The following SPATA2 variants were observed in gnomAD, a reference collection of about 807,000 sequenced individuals.
SPATA2 encodes spermatogenesis-associated protein 2.
In SPATA2, 8 loss-of-function variants were observed where a neutral mutation model predicts 35.4. The observed-to-expected ratio is 0.23, with a 90% CI of 0.13 to 0.41. The LOEUF (loss-of-function observed/expected upper bound fraction) is 0.41. SPATA2 is among the 10% of genes least tolerant of loss of function. The pLI is 1.00. For synonymous variants in SPATA2, 293 were observed against 300.9 expected (o/e 0.97, Z 0.27); for missense variants, 650 against 698.7 (o/e 0.93, Z 0.79).
chr20:49,908,382 C>A lies in SPATA2; in HGVS notation c.109G>T (p.Gly37Cys), dbSNP rs772519165. The A allele has an allele frequency of 6.2e-6, 10 of 1,614,094 alleles. No homozygotes were observed. The African/African-American group carries it at 1.3e-4, about 22-fold the overall frequency. ...VDTTTSRQRP[G>C]SDECLRVAAS... The stretch of plus-strand genomic sequence containing the variant: ...GCCACCCGCAGGCACTCATCGCTGC[C>A]AGGCCGCTGCCTGCTGGTGGTGGTA... The change falls in exon 2 of 3, where the codon GGC (glycine) becomes TGC (cysteine). Residue 37 changes from glycine to cysteine, a missense_variant. By Grantham distance (159) the Gly-to-Cys change is radical. Transcript: ENST00000289431.
chr20:49,912,659 T>G (rs1436225062), intron 1 of SPATA2, among the ~76,000 whole-genome samples: 1 of 152,304 alleles, frequency 6.6e-6, no homozygotes, highest in East Asian at 1.9e-4. Context: ...GAGACTGATT[T>G]TTTACAAAGT....
rs982131530 is a variant in SPATA2 at position 49,905,662 on chromosome 20, A to G, written c.1520T>C (p.Leu507Pro). 5 of 1,614,126 alleles carry G rather than the reference A, an allele frequency of 3.1e-6. No individual in the cohort carries two copies. Among genetic ancestry groups the G allele is most frequent in the Non-Finnish European group, 3.4e-6 (4 of 1,180,058 alleles). Residue 507 changes from leucine to proline, a missense_variant, in exon 3 of 3, where the codon CTG becomes CCG. Physicochemically the swap from Leu to Pro is moderately conservative, Grantham distance 98. Transcript: ENST00000289431. ...GGAGAGCTGGGTGGACTTGTAGTTC[A>G]GCTGGTTGTTGGGCATGAACTTGTG... is the stretch of plus-strand genomic sequence containing the variant. Reference protein sequence around the residue: ...ELHKFMPNNQLNYKSTQLSHL... With the variant: ...ELHKFMPNNQPNYKSTQLSHL...
At chr20:49,908,129 G>C in intron 2 of SPATA2, 26 bp downstream of exon 2, 2 of 1,576,934 alleles carry the variant, frequency 1.3e-6, no homozygotes, top group Non-Finnish European at 1.7e-6. Context: ...AGGAGGGCCT[G>C]TATGGAGGCT....
rs759344029 is a variant in SPATA2 at position 49,908,478 on chromosome 20, T to C, written c.13A>G (p.Ser5Gly). MGKP[S>G]SMDTKFKDDL... Reference sequence around the variant, plus strand: ...TCCTTGAATTTAGTATCCATTGAACTGGGCTTCCCCATCCGATCGAGGGGG... The same window carrying C: ...TCCTTGAATTTAGTATCCATTGAACCGGGCTTCCCCATCCGATCGAGGGGG... The change falls in exon 2 of 3, where the codon AGT becomes GGT. Residue 5 changes from serine (S) to glycine (G), a missense_variant. Coordinates refer to ENST00000289431, the MANE Select transcript of SPATA2 (RefSeq NM_006038.4). 1 of 1,594,134 alleles carries C rather than the reference T, an allele frequency of 6.3e-7. No homozygotes were observed. The highest frequency in any genetic ancestry group is 8.6e-7 in the Non-Finnish European group (1 of 1,164,722).
chr20:49,905,636 G>A lies in SPATA2; in HGVS notation c.1546C>T (p.His516Tyr). ...QLNYKSTQLSHLVYR is the reference protein window; with the variant it reads ...QLNYKSTQLSYLVYR Reference sequence around the variant, plus strand: ...AGGCCGGTCTATCTGTACACGAGATGGGAGAGCTGGGTGGACTTGTAGTTC... The same window carrying A: ...AGGCCGGTCTATCTGTACACGAGATAGGAGAGCTGGGTGGACTTGTAGTTC... The change falls in exon 3 of 3, where the codon CAT becomes TAT. Residue 516 changes from histidine to tyrosine, a missense_variant. Transcript: ENST00000289431. 1 of 1,614,230 alleles carries A rather than the reference G, an allele frequency of 6.2e-7. No homozygotes were observed. Among genetic ancestry groups the A allele is most frequent in the African/African-American group, 1.3e-5 (1 of 75,072 alleles).
intron 1 of SPATA2, among the ~76,000 whole-genome samples, chr20:49,914,865 G>GT (rs1347532705): frequency 1.3e-5 from 2 of 152,200 alleles, no homozygotes; most frequent in African/African-American, 4.8e-5. Context: ...ATTGAATGAA[G>GT]TAACAGGAAC....
In SPATA2 at chr20:49,904,981, G is replaced by A. The variant is rs1422842790; in HGVS notation, c.*638C>T. ...TGGAGCAAAGTTCACGAAGGCCATG[G>A]GCTGACTGAGCTGTGGTGTACGAAA... On this transcript the variant is annotated 3_prime_UTR_variant, in exon 3 of 3. Coordinates refer to ENST00000289431, the MANE Select transcript of SPATA2 (RefSeq NM_006038.4). 3 of 153,308 alleles carry A rather than the reference G, an allele frequency of 2.0e-5. No homozygotes were observed. Among genetic ancestry groups the A allele is most frequent in the Non-Finnish European group, 4.4e-5 (3 of 68,606 alleles). 9.5% of individuals were successfully genotyped at this position (153,308 alleles called of 1,614,324 possible). A position where few individuals can be genotyped will look rare whatever the true frequency, so the allele number is the denominator to read the frequency against.
chr20:49,906,470 C>A lies in SPATA2; in HGVS notation c.712G>T (p.Ala238Ser). 2 of 1,611,244 alleles carry A rather than the reference C, an allele frequency of 1.2e-6. No homozygotes were observed. The highest frequency in any genetic ancestry group is 1.3e-5 in the African/African-American group (1 of 75,056). Residue 238 changes from alanine to serine, a missense_variant, in exon 3 of 3, where the codon GCG becomes TCG. Physicochemically the swap from Ala to Ser is moderately conservative, Grantham distance 99. Transcript: ENST00000289431. The surrounding 1 kb of genome is among the most constrained non-coding windows in gnomAD (Gnocchi z 8.2). The stretch of plus-strand genomic sequence containing the variant: ...CGGGGCTTGTAGTAGTCCTTGGCCG[C>A]CCGCTCGCTGGCCGACTTCTGGAGT... ...VALQKSASER[A>S]AKDYYKPRVT...
Position 49,903,718 on chromosome 20 carries a change from G to A in SPATA2, c.*1901C>T, listed in dbSNP as rs1027162048. ...AAGAGTTAGTTACTGTAATGCTGGC[G>A]CAATCTGGAAATGGAAAACTAGAAA... On this transcript the variant is annotated 3_prime_UTR_variant, in exon 3 of 3. Transcript: ENST00000289431. The A allele has an allele frequency of 2.0e-5, 3 of 151,812 alleles. No individual in the cohort carries two copies. The highest frequency in any genetic ancestry group is 6.6e-5 in the Admixed American group (1 of 15,232). The allele number at this position is 151,812 out of a possible 1,614,324, so 9.4% of individuals were successfully genotyped here. A position where few individuals can be genotyped will look rare whatever the true frequency, so the allele number is the denominator to read the frequency against.
intron 1 of SPATA2, among the ~76,000 whole-genome samples, chr20:49,911,343 C>A (rs977894616): frequency 3.9e-5 from 6 of 152,048 alleles, no homozygotes; most frequent in African/African-American, 1.4e-4. Context: ...TAACACAGAG[C>A]CTGCCTGTGC....
intron 1 of SPATA2, among the ~76,000 whole-genome samples, chr20:49,912,977 C>T (rs532236100): frequency 1.3e-5 from 2 of 150,674 alleles, no homozygotes; most frequent in East Asian, 3.9e-4. Flanking sequence ...GGTGTGGTGA[C>T]ACCCACCTGT....
chr20:49,913,240 C>T (rs1258979842), intron 1 of SPATA2, among the ~76,000 whole-genome samples: 1 of 152,232 alleles, frequency 6.6e-6, no homozygotes, highest in Non-Finnish European at 1.5e-5. Context: ...AAAACAGGCT[C>T]TTCCCATTAA....
At position 49,908,492 on chromosome 20, in the gene SPATA2, C is replaced by T. The variant is rs760301173; in HGVS notation, c.-2G>A. 34 of 1,581,384 alleles carry T rather than the reference C, an allele frequency of 2.2e-5. No individual in the cohort carries two copies. Among genetic ancestry groups the T allele is most frequent in the South Asian group, 3.4e-5 (3 of 87,204 alleles). Reference sequence around the variant, plus strand: ...ATCCATTGAACTGGGCTTCCCCATCCGATCGAGGGGGGCTACCTTATCTCC... The same window carrying T: ...ATCCATTGAACTGGGCTTCCCCATCTGATCGAGGGGGGCTACCTTATCTCC... On this transcript the variant is annotated 5_prime_UTR_variant, in exon 2 of 3. Coordinates refer to ENST00000289431, the MANE Select transcript of SPATA2 (RefSeq NM_006038.4).
intron 1 of SPATA2, among the ~76,000 whole-genome samples, chr20:49,911,872 G>A (rs1364848227): frequency 1.3e-5 from 2 of 152,066 alleles, no homozygotes; most frequent in African/African-American, 2.4e-5. Context: ...TGATGGACCC[G>A]ATAATCCAAG....
Position 49,905,812 on chromosome 20 carries a change from G to A in SPATA2, c.1370C>T (p.Thr457Ile). The change falls in exon 3 of 3, where the codon ACT becomes ATT. Residue 457 changes from threonine (T) to isoleucine (I), a missense_variant. Coordinates refer to ENST00000289431, the MANE Select transcript of SPATA2 (RefSeq NM_006038.4). ...GCGGTTGCAGAAGCCACAGCGGGAA[G>A]TGGGCGTGGTGGAGGGCTTGGATTT... ...HSKSKPSTTP[T>I]SRCGFCNRPG... 1 of 1,614,250 alleles carries A rather than the reference G, an allele frequency of 6.2e-7. No homozygotes were observed.
rs1216744317 is a variant in SPATA2, at chr20:49,903,560, A to G, written c.*2059T>C. On this transcript the variant is annotated 3_prime_UTR_variant, in exon 3 of 3. Coordinates refer to ENST00000289431, the MANE Select transcript of SPATA2 (RefSeq NM_006038.4). ...GATGCACACCTGGGAGCAGGGCTGT[A>G]GTATTTCGTATTCCAGTCTGTGACC... 1.3e-5 allele frequency: 2 copies of G among 152,228 alleles called. No homozygotes were observed. Among genetic ancestry groups the G allele is most frequent in the East Asian group, 3.8e-4 (2 of 5,204 alleles). The allele number at this position is 152,228 out of a possible 1,614,324, so 9.4% of individuals were successfully genotyped here. A position where few individuals can be genotyped will look rare whatever the true frequency, so the allele number is the denominator to read the frequency against.
chr20:49,906,393 G>C lies in SPATA2; in HGVS notation c.789C>G (p.Ser263Arg), dbSNP rs1343196201. The C allele has an allele frequency of 4.3e-6, 7 of 1,613,576 alleles. No homozygotes were observed. The highest frequency in any genetic ancestry group is 5.9e-6 in the Non-Finnish European group (7 of 1,180,006). The change falls in exon 3 of 3, where the codon AGC becomes AGG. Residue 263 changes from serine (S) to arginine (R), a missense_variant. Coordinates refer to ENST00000289431, the MANE Select transcript of SPATA2 (RefSeq NM_006038.4). The surrounding 1 kb of genome is among the most constrained non-coding windows in gnomAD (Gnocchi z 8.2). Reference protein sequence around the residue: ...SVDAYDSYWESRKPPLKASLS... With the variant: ...SVDAYDSYWERRKPPLKASLS... Reference sequence around the variant, plus strand: ...ATGAGGCCTTCAGGGGTGGCTTCCGGCTCTCCCAGTAGCTGTCATAGGCAT... The same window carrying C: ...ATGAGGCCTTCAGGGGTGGCTTCCGCCTCTCCCAGTAGCTGTCATAGGCAT...
At chr20:49,912,465 G>A (rs1173546052) in intron 1 of SPATA2, among the ~76,000 whole-genome samples, 1 of 152,164 alleles carries the variant, frequency 6.6e-6, no homozygotes, top group Non-Finnish European at 1.5e-5. Context: ...TAAATGTATT[G>A]CACCACTGGA....
chr20:49,906,195 G>C lies in SPATA2; in HGVS notation c.987C>G (p.Phe329Leu). The change falls in exon 3 of 3, where the codon TTC becomes TTG. Residue 329 changes from phenylalanine to leucine, a missense_variant. Coordinates refer to ENST00000289431, the MANE Select transcript of SPATA2 (RefSeq NM_006038.4). The surrounding 1 kb of genome is among the most constrained non-coding windows in gnomAD (Gnocchi z 8.2). The part of the protein sequence containing the change: ...NGPALLRGTY[F>L]STQDDVDLYT... ...ACAGATCCACGTCATCCTGAGTGGAGAAGTAGGTACCGCGCAGCAGGGCCG... is the reference window on the plus strand; with the variant it reads ...ACAGATCCACGTCATCCTGAGTGGACAAGTAGGTACCGCGCAGCAGGGCCG... 5 of 1,582,176 alleles carry C rather than the reference G, an allele frequency of 3.2e-6. No individual in the cohort carries two copies. Among genetic ancestry groups the C allele is most frequent in the Non-Finnish European group, 4.3e-6 (5 of 1,161,026 alleles).
Sources: allele counts gnomAD v4.1 joint callset (sites outside exome capture counted in the v4.1 genomes callset), GRCh38; gene constraint gnomAD v4.1.1; non-coding constraint Gnocchi (gnomAD v3.1); transcripts MANE v1.5; gene names NCBI Gene and HGNC (gene_info 2026-07-23, HGNC 2026-07-21).